Variants in DNMBP observed in about 807,000 individuals in gnomAD.
DNMBP encodes dynamin-binding protein.
Under a neutral mutation model 150.0 loss-of-function variants are expected in DNMBP, and 87 were observed. That is an observed-to-expected ratio of 0.58 (90% CI 0.49 to 0.69). The LOEUF is 0.69. Among genes scored for constraint, DNMBP ranks in the 30% least tolerant of loss-of-function variants. The pLI is 0.00. For synonymous variants in DNMBP, 711 were observed against 750.4 expected, an observed-to-expected ratio of 0.95 and a Z score of 0.86; for missense variants, 1,774 against 1,949.0, an observed-to-expected ratio of 0.91 and a Z score of 1.69.
chr10:99,979,251 T>C (rs1167074380), intron 1 of DNMBP, among the ~76,000 whole-genome samples: 1 of 152,148 alleles, frequency 6.6e-6, no homozygotes, highest in African/African-American at 2.4e-5. Context: ...TAGAGTCTCC[T>C]CTATTGTCCT....
intron 3 of DNMBP, among the ~76,000 whole-genome samples, 161 bp downstream of exon 3, chr10:99,968,954 G>T (rs1195411973): frequency 6.6e-6 from 1 of 152,118 alleles, no homozygotes; most frequent in Non-Finnish European, 1.5e-5. Flanking sequence ...TTTTAAAATG[G>T]TACTAAACTA....
intron 4 of DNMBP, among the ~76,000 whole-genome samples, chr10:99,909,942 A>G (rs1007492504): frequency 1.3e-5 from 2 of 152,208 alleles, no homozygotes; most frequent in African/African-American, 4.8e-5. Flanking sequence ...AGGATGAGAG[A>G]GTTATCTATA....
intron 4 of DNMBP, among the ~76,000 whole-genome samples, chr10:99,946,992 A>C (rs562494001): frequency 6.6e-6 from 1 of 152,374 alleles, no homozygotes; most frequent in African/African-American, 2.4e-5. Context: ...GCTAATCATC[A>C]GAGAAGTGCA....
chr10:99,988,842 A>G (rs2040855818), intron 1 of DNMBP, among the ~76,000 whole-genome samples: 2 of 151,988 alleles, frequency 1.3e-5, no homozygotes, highest in South Asian at 2.1e-4. Context: ...TTGTATTTTT[A>G]GTAGAGATGG....
Position 99,886,591 on chromosome 10 carries a change from C to T in DNMBP, c.3327G>A (p.Gln1109=). Residue 1109 remains glutamine (Q), a synonymous_variant, in exon 13 of 17, where the codon CAG becomes CAA. Transcript: ENST00000324109. ...GGGGCCCTGTAAACATGCTCAGTAA[C>T]TGATTTAAGGGGGAGATGACAAGCC... ...TERLVISPLN[Q]LLSMFTGPHK... is the part of the protein sequence containing the mutation. The T allele has an allele frequency of 1.2e-6, 2 of 1,614,122 alleles. No individual in the cohort carries two copies. Among genetic ancestry groups the T allele is most frequent in the Non-Finnish European group, 1.7e-6 (2 of 1,180,012 alleles).
chr10:99,884,303 A>AG (rs1216015583), intron 14 of DNMBP, 94 bp from the exon 15 acceptor site: 1 of 1,117,310 alleles, frequency 9.0e-7, no homozygotes, highest in African/African-American at 1.5e-5. Flanking sequence ...GAAATGAGGC[A>AG]GGGACAGTCA....
chr10:99,907,938 T>C, intron 6 of DNMBP, 57 bp downstream of exon 6: 2 of 1,338,452 alleles, frequency 1.5e-6, no homozygotes, highest in Non-Finnish European at 2.1e-6. Context: ...GGCCACTTAC[T>C]CCTGCCCATG....
chr10:99,982,160 G>A (rs1324988476), intron 1 of DNMBP, among the ~76,000 whole-genome samples: 2 of 152,072 alleles, frequency 1.3e-5, no homozygotes, highest in Non-Finnish European at 2.9e-5. Context: ...AAAGAATGGG[G>A]ATGGCTAGGC....
At chr10:99,951,994 C>T (rs570002798) in intron 4 of DNMBP, among the ~76,000 whole-genome samples, 12 of 152,190 alleles carry the variant, frequency 7.9e-5, no homozygotes, top group African/African-American at 1.9e-4. Context: ...GGGAGGGAGC[C>T]GGTGGGAGAT....
intron 4 of DNMBP, among the ~76,000 whole-genome samples, chr10:99,949,077 G>C (rs929890414): frequency 6.6e-6 from 1 of 152,116 alleles, no homozygotes; most frequent in Non-Finnish European, 1.5e-5. Context: ...GCACAGCACT[G>C]GTCTGACAAG....
At position 99,884,102 on chromosome 10, in the gene DNMBP, C is replaced by T; in HGVS notation, c.3906G>A (p.Leu1302=). The stretch of plus-strand genomic sequence containing the variant: ...GGTCACCTTCCAAAAGTGAGACATC[C>T]AAGTCTTGAGCAGCATTGAAGTTCC... The part of the protein sequence containing the change: ...AERNFNAAQD[L]DVSLLEGDLV... Residue 1302 remains leucine (L), a synonymous_variant, in exon 15 of 17, where the codon TTG becomes TTA. Transcript: ENST00000324109. The T allele has an allele frequency of 6.2e-7, 1 of 1,614,086 alleles. No homozygotes were observed. Among genetic ancestry groups the T allele is most frequent in the African/African-American group, 1.3e-5 (1 of 75,002 alleles).
chr10:99,987,154 CA>C lies in DNMBP; in HGVS notation c.-10-15021del, dbSNP rs796177770. On this transcript the variant is annotated intron_variant, in intron 1 of 16. Transcript: ENST00000324109. Reference sequence around the variant, plus strand: ...TGGGCGACAGAGCAAGACTCCATCTCAAAAAAAAAAAAAAAGAAATCTCTAA... The same window carrying C: ...TGGGCGACAGAGCAAGACTCCATCTCAAAAAAAAAAAAAAGAAATCTCTAA... Among the ~76,000 whole-genome samples the C allele has an allele frequency of 7.3e-3, 884 of 121,926 alleles. 11 individuals carry two copies. The highest frequency in any genetic ancestry group is 0.021 in the African/African-American group (717 of 33,588). The allele number at this position is 121,926 out of a possible 152,430, so 80.0% of individuals were successfully genotyped here.
intron 7 of DNMBP, 145 bp downstream of exon 7, chr10:99,899,774 T>C (rs751528756): frequency 1.4e-5 from 13 of 960,784 alleles, no homozygotes; most frequent in Non-Finnish European, 1.8e-5. Context: ...TGGACAAAAA[T>C]ACAATCAGGA....
At chr10:99,884,855 G>A (rs2039432232) in intron 14 of DNMBP, among the ~76,000 whole-genome samples, 1 of 152,102 alleles carries the variant, frequency 6.6e-6, no homozygotes, top group Non-Finnish European at 1.5e-5. Context: ...AGTGAGCCAA[G>A]ATCAGACCAC....
At chr10:99,979,341 A>G (rs1325235961) in intron 1 of DNMBP, among the ~76,000 whole-genome samples, 3 of 152,204 alleles carry the variant, frequency 2.0e-5, no homozygotes, top group Non-Finnish European at 4.4e-5. Context: ...AAAAGGAGAC[A>G]CTCACTCAGT....
chr10:99,910,166 T>C (rs2039882261), intron 4 of DNMBP, among the ~76,000 whole-genome samples: 1 of 152,238 alleles, frequency 6.6e-6, no homozygotes, highest in Admixed American at 6.5e-5. Flanking sequence ...AAAACACAAG[T>C]GTTCAAACTA....
At chr10:99,888,713 G>T in intron 12 of DNMBP, 112 bp downstream of exon 12, 1 of 1,266,814 alleles carries the variant, frequency 7.9e-7, no homozygotes, top group Admixed American at 2.2e-5. Context: ...GCTAAAGGAT[G>T]ACTAATATGC....
chr10:99,926,344 G>A (rs114880989), intron 4 of DNMBP, among the ~76,000 whole-genome samples: 2,101 of 152,204 alleles, frequency 0.014, 24 homozygotes, highest in Non-Finnish European at 0.017. Context: ...CAGTATAGTG[G>A]CATCATCATA....
intron 4 of DNMBP, among the ~76,000 whole-genome samples, chr10:99,929,391 C>T (rs2040119976): frequency 1.3e-5 from 2 of 152,120 alleles, no homozygotes; most frequent in African/African-American, 2.4e-5. Flanking sequence ...GAGCGCTATC[C>T]GAATGTTGCA....
Sources: allele counts gnomAD v4.1 joint callset (sites outside exome capture counted in the v4.1 genomes callset), GRCh38; gene constraint gnomAD v4.1.1; transcripts MANE v1.5; gene names NCBI Gene and HGNC (gene_info 2026-07-23, HGNC 2026-07-21).